CCDC175: variants seen among roughly 807,000 people sequenced by gnomAD.
CCDC175 encodes the protein coiled-coil domain containing 175, also known as coiled-coil domain-containing protein 175.
A neutral mutation model predicts 114.6 loss-of-function variants in CCDC175; 100 were observed. The observed-to-expected ratio is 0.87, with a 90% CI of 0.74 to 1.03. CCDC175 has a LOEUF of 1.03. Ranked by LOEUF, CCDC175 falls within the 50% of genes least tolerant of loss-of-function variation. CCDC175 has a pLI of 0.00. For missense variants in CCDC175, 880 were observed against 917.8 expected (o/e 0.96, Z 0.53); for synonymous variants, 306 against 308.7 (o/e 0.99, Z 0.09).
At chr14:59,567,278 A>C (rs932538642) in intron 4 of CCDC175, among the ~76,000 whole-genome samples, 2 of 152,210 alleles carry the variant, frequency 1.3e-5, no homozygotes, top group African/African-American at 4.8e-5. Flanking sequence ...GGTATTTCTC[A>C]AACTTATGTA....
chr14:59,529,557 G>A (rs1057457484), intron 14 of CCDC175, among the ~76,000 whole-genome samples: 2 of 152,090 alleles, frequency 1.3e-5, no homozygotes, highest in African/African-American at 2.4e-5. Flanking sequence ...TGCCTTCATC[G>A]TGCCCTTTTT....
Position 59,538,097 on chromosome 14 carries a change from T to C in CCDC175, c.1549A>G (p.Thr517Ala). 2.6e-6 allele frequency: 4 copies of C among 1,533,450 alleles called. No individual in the cohort carries two copies. The allele number at this position is 1,533,450 out of a possible 1,614,324, so 95.0% of individuals were successfully genotyped here. ...GFVAQIEKLT[T>A]ELKEEEKAFV... The stretch of plus-strand genomic sequence containing the variant: ...GCTTTCTCCTCTTCTTTTAATTCTG[T>C]TGTAAGTTTTTCAATCTGTGCCACA... The change falls in exon 13 of 20, where the codon ACA becomes GCA. Residue 517 changes from threonine to alanine, a missense_variant. Physicochemically the swap from Thr to Ala is moderately conservative, Grantham distance 58. Coordinates refer to ENST00000537690, the MANE Select transcript of CCDC175 (RefSeq NM_001164399.2).
intron 13 of CCDC175, among the ~76,000 whole-genome samples, chr14:59,537,296 A>T (rs946198195): frequency 1.3e-5 from 2 of 152,112 alleles, no homozygotes; most frequent in African/African-American, 4.8e-5. Flanking sequence ...GCAGGATGGG[A>T]TGGGGTGGGG....
intron 10 of CCDC175, among the ~76,000 whole-genome samples, chr14:59,542,109 C>G (rs180795536): frequency 1.3e-5 from 2 of 152,228 alleles, no homozygotes; most frequent in East Asian, 3.9e-4. Flanking sequence ...AATCATGTGT[C>G]TCCCTTTGTG....
At chr14:59,568,780 A>G (rs1369940944) in intron 3 of CCDC175, among the ~76,000 whole-genome samples, 1 of 152,240 alleles carries the variant, frequency 6.6e-6, no homozygotes, top group East Asian at 1.9e-4. Flanking sequence ...GAGCTGGTGC[A>G]TAAATATTTC....
intron 19 of CCDC175, among the ~76,000 whole-genome samples, chr14:59,509,966 A>C (rs961583311): frequency 6.6e-6 from 1 of 151,972 alleles, no homozygotes. Context: ...CTCTCTTCTA[A>C]ACTCTGTTCT....
At chr14:59,511,451 A>C (rs1260928978) in intron 18 of CCDC175, among the ~76,000 whole-genome samples, 1 of 148,266 alleles carries the variant, frequency 6.7e-6, no homozygotes, top group Non-Finnish European at 1.5e-5. Flanking sequence ...AAATGTGTTC[A>C]TTTGGGGCAT....
At chr14:59,558,215 C>T (rs1340692229) in intron 7 of CCDC175, among the ~76,000 whole-genome samples, 1 of 152,108 alleles carries the variant, frequency 6.6e-6, no homozygotes, top group Non-Finnish European at 1.5e-5. Context: ...TAGACTGGAA[C>T]TTGATCATGT....
intron 15 of CCDC175, among the ~76,000 whole-genome samples, 159 bp downstream of exon 15, chr14:59,526,936 A>C (rs1002304962): frequency 1.1e-4 from 17 of 152,222 alleles, no homozygotes; most frequent in Non-Finnish European, 2.4e-4. Context: ...ATGTGCATAT[A>C]TATGTGTTAT....
intron 18 of CCDC175, 54 bp from the exon 19 acceptor site, chr14:59,510,862 A>G: frequency 2.1e-6 from 3 of 1,460,496 alleles, no homozygotes; most frequent in Non-Finnish European, 2.8e-6. Flanking sequence ...AACATAAATA[A>G]ATACACATTC....
Position 59,537,760 on chromosome 14 carries a change from CA to C in CCDC175, c.1623+262del, listed in dbSNP as rs1894490406. ...AGCCAGCTCCAAATGGCTTCCTACACAACTCCACCTGTCTCTAAGGCCATTG... is the reference window on the plus strand; with the variant it reads ...AGCCAGCTCCAAATGGCTTCCTACACACTCCACCTGTCTCTAAGGCCATTG... On this transcript the variant is annotated intron_variant, in intron 13 of 19. Transcript: ENST00000537690. Among the ~76,000 whole-genome samples, 4 of 152,270 alleles carry C rather than the reference CA, an allele frequency of 2.6e-5. No homozygotes were observed. The South Asian group carries it at 6.2e-4, about 24-fold the overall frequency.
intron 7 of CCDC175, among the ~76,000 whole-genome samples, chr14:59,552,328 A>G (rs1313035624): frequency 6.6e-6 from 1 of 152,254 alleles, no homozygotes; most frequent in Non-Finnish European, 1.5e-5. Flanking sequence ...ACTGTTCTGC[A>G]GCCTCCGCTG....
chr14:59,569,448 A>T (rs1355221666), intron 3 of CCDC175, among the ~76,000 whole-genome samples: 2 of 152,240 alleles, frequency 1.3e-5, no homozygotes, highest in Non-Finnish European at 2.9e-5. Flanking sequence ...GCAAGGACTT[A>T]CGACATAAGG....
At position 59,545,227 on chromosome 14, in the gene CCDC175, G is replaced by A; in HGVS notation, c.1108C>T (p.Gln370Ter). 6.5e-7 allele frequency: 1 copy of A among 1,536,480 alleles called. No individual in the cohort carries two copies. The highest frequency in any genetic ancestry group is 8.7e-7 in the Non-Finnish European group (1 of 1,146,462). Residue 370 changes from glutamine (Q) to a stop codon, truncating the protein, a stop_gained, in exon 9 of 20, where the codon CAA becomes TAA. Transcript: ENST00000537690. LOFTEE classifies it high-confidence loss of function. ...LREKMKTLARQYKIVLSEEEK... is the reference protein window; with the variant it reads ...LREKMKTLAR Reference sequence around the variant, plus strand: ...TCCTCACTTAAAACAATCTTATATTGTCTGGCAAGAGTTTTCATTTTCTCT... The same window carrying A: ...TCCTCACTTAAAACAATCTTATATTATCTGGCAAGAGTTTTCATTTTCTCT...
intron 5 of CCDC175, 101 bp downstream of exon 5, chr14:59,564,946 A>G (rs1169140107): frequency 6.9e-6 from 6 of 866,698 alleles, no homozygotes; most frequent in East Asian, 2.6e-5. Flanking sequence ...AAGATACCAC[A>G]GAGGCTGCTT....
At chr14:59,550,991 T>C (rs1895438428) in intron 8 of CCDC175, among the ~76,000 whole-genome samples, 1 of 152,214 alleles carries the variant, frequency 6.6e-6, no homozygotes. Flanking sequence ...AGAATATTCT[T>C]AAGTGTAGAG....
At chr14:59,576,379 T>C (rs905930453) in intron 1 of CCDC175, among the ~76,000 whole-genome samples, 1 of 152,138 alleles carries the variant, frequency 6.6e-6, no homozygotes, top group African/African-American at 2.4e-5. Flanking sequence ...ACCTCAGTAA[T>C]TTAACTACTA....
chr14:59,537,909 T>TTC, intron 13 of CCDC175, 114 bp downstream of exon 13: 1 of 667,198 alleles, frequency 1.5e-6, no homozygotes, highest in Non-Finnish European at 2.3e-6. Flanking sequence ...TGTAGCCTCT[T>TTC]TCATACTAGA....
intron 7 of CCDC175, among the ~76,000 whole-genome samples, chr14:59,556,562 A>G (rs991848254): frequency 6.6e-6 from 1 of 152,240 alleles, no homozygotes; most frequent in African/African-American, 2.4e-5. Context: ...CAAGGACTTC[A>G]TGTCCAAAAC....
Sources: allele counts gnomAD v4.1 joint callset (sites outside exome capture counted in the v4.1 genomes callset), GRCh38; gene constraint gnomAD v4.1.1; transcripts MANE v1.5; gene names NCBI Gene and HGNC (gene_info 2026-07-23, HGNC 2026-07-21).